Variants in SH3BP5 observed in about 807,000 individuals in gnomAD.
SH3BP5 encodes the protein SH3 domain binding protein 5, also known as SH3 domain-binding protein 5.
SH3BP5 carries 22 observed loss-of-function variants against 43.3 expected under a neutral mutation model. The observed-to-expected ratio is 0.51, with a 90% CI of 0.36 to 0.73. The LOEUF is 0.73. SH3BP5 is among the 30% of genes least tolerant of loss of function. The pLI, the probability that SH3BP5 is intolerant of heterozygous loss-of-function variation, is 0.00. For synonymous variants in SH3BP5, 255 were observed against 225.8 expected, an observed-to-expected ratio of 1.13 and a Z score of -1.16; for missense variants, 529 against 586.9, an observed-to-expected ratio of 0.90 and a Z score of 1.02.
chr3:15,286,900 G>T (rs964653109), intron 3 of SH3BP5, among the ~76,000 whole-genome samples: 5 of 152,138 alleles, frequency 3.3e-5, no homozygotes, highest in African/African-American at 4.8e-5. Flanking sequence ...TTTGCACCAC[G>T]CAACATGAAG....
chr3:15,296,279 A>G (rs113464078), intron 3 of SH3BP5, among the ~76,000 whole-genome samples: 1,606 of 148,282 alleles, frequency 0.011, 12 homozygotes, highest in Non-Finnish European at 0.015. Context: ...TTCTTTGCCA[A>G]TCCCCTGACC....
At chr3:15,298,671 A>T (rs1023404539) in intron 3 of SH3BP5, among the ~76,000 whole-genome samples, 24 of 152,242 alleles carry the variant, frequency 1.6e-4, no homozygotes, top group Admixed American at 7.9e-4. Context: ...TGAGGACATT[A>T]TGCTAAGTGA....
chr3:15,304,030 C>A, intron 3 of SH3BP5, 73 bp downstream of exon 3: 1 of 1,273,130 alleles, frequency 7.9e-7, no homozygotes, highest in Admixed American at 1.7e-5. Context: ...GCAGGTGATA[C>A]AGTCAAAGGC....
chr3:15,299,318 AAC>A (rs1234001199), intron 3 of SH3BP5, among the ~76,000 whole-genome samples: 1 of 152,156 alleles, frequency 6.6e-6, no homozygotes, highest in African/African-American at 2.4e-5. Context: ...TGGCACAGAA[AAC>A]ACACATCATG....
intron 2 of SH3BP5, among the ~76,000 whole-genome samples, chr3:15,314,555 A>C (rs1483225256): frequency 6.6e-6 from 1 of 152,176 alleles, no homozygotes; most frequent in Admixed American, 6.5e-5. Flanking sequence ...AGGAGGGTGT[A>C]GGAGCCAGGA....
intron 3 of SH3BP5, among the ~76,000 whole-genome samples, chr3:15,272,450 G>T (rs1037351111): frequency 6.6e-6 from 1 of 152,212 alleles, no homozygotes; most frequent in Non-Finnish European, 1.5e-5. Flanking sequence ...GGAGGATCCC[G>T]AACTCAGGAC....
At chr3:15,262,587 C>G (rs559156593) in intron 4 of SH3BP5, among the ~76,000 whole-genome samples, 2 of 152,052 alleles carry the variant, frequency 1.3e-5, no homozygotes, top group Non-Finnish European at 2.9e-5. Context: ...AACCCGGAGG[C>G]AGAGGTTGCA....
chr3:15,309,398 G>A (rs572992506), intron 2 of SH3BP5, among the ~76,000 whole-genome samples: 1 of 152,256 alleles, frequency 6.6e-6, no homozygotes, highest in Non-Finnish European at 1.5e-5. Flanking sequence ...AAGAGACAGA[G>A]TCTTGCTATG....
chr3:15,263,821 T>C (rs1696537936), intron 4 of SH3BP5, among the ~76,000 whole-genome samples: 1 of 152,302 alleles, frequency 6.6e-6, no homozygotes, highest in South Asian at 2.1e-4. Flanking sequence ...TTTCTTTCCC[T>C]GTCTTCTGCC....
intron 3 of SH3BP5, among the ~76,000 whole-genome samples, chr3:15,281,785 A>G (rs929858795): frequency 6.6e-6 from 1 of 152,130 alleles, no homozygotes; most frequent in Non-Finnish European, 1.5e-5. Flanking sequence ...GGTGGATTAC[A>G]TGAGATCAGG....
At chr3:15,325,759 C>T (rs1698443992) in intron 2 of SH3BP5, among the ~76,000 whole-genome samples, 3 of 152,236 alleles carry the variant, frequency 2.0e-5, no homozygotes, top group Non-Finnish European at 4.4e-5. Flanking sequence ...GTGGCTCACA[C>T]CTGTAATCCC....
At chr3:15,326,428 C>G (rs557163635) in intron 2 of SH3BP5, among the ~76,000 whole-genome samples, 10 of 152,208 alleles carry the variant, frequency 6.6e-5, no homozygotes, top group Non-Finnish European at 1.3e-4. Context: ...GTCACCAATT[C>G]AGGTTCATCA....
chr3:15,327,624 A>AC (rs1027748775), intron 2 of SH3BP5, among the ~76,000 whole-genome samples: 1 of 151,858 alleles, frequency 6.6e-6, no homozygotes, highest in Non-Finnish European at 1.5e-5. Context: ...AGTAATTATT[A>AC]CCCCCGCTCT....
chr3:15,306,648 G>A (rs1386384265), intron 2 of SH3BP5, among the ~76,000 whole-genome samples: 2 of 152,122 alleles, frequency 1.3e-5, no homozygotes, highest in Admixed American at 6.5e-5. Flanking sequence ...AGAGGGGCCT[G>A]CCTCACAAGT....
intron 3 of SH3BP5, among the ~76,000 whole-genome samples, chr3:15,278,310 C>G (rs2125076754): frequency 6.6e-6 from 1 of 152,316 alleles, no homozygotes; most frequent in South Asian, 2.1e-4. Context: ...GTCAATAACC[C>G]CTGGGGGGTC....
rs1203089284 is a variant in SH3BP5 at position 15,291,824 on chromosome 3, ATCAG to A, written c.330+12275_330+12278del. On this transcript the variant is annotated intron_variant, in intron 3 of 8. Transcript: ENST00000383791. ...CAGAGACCATAAATCTCTAAGTCTT[ATCAG>A]TCATTTACTTCTCAGCATGAATAAT... Among the ~76,000 whole-genome samples the A allele has an allele frequency of 2.0e-5, 3 of 152,354 alleles. No individual in the cohort carries two copies. In the East Asian group the frequency reaches 5.8e-4, roughly 29 times the overall value.
At position 15,330,836 on chromosome 3, in the gene SH3BP5, C is replaced by G. The variant is rs574724300; in HGVS notation, c.139-270G>C. 1.3e-5 allele frequency: 9 copies of G among 708,396 alleles called. No individual in the cohort carries two copies. The African/African-American group carries it at 1.7e-4, about 14-fold the overall frequency. 43.9% of individuals were successfully genotyped at this position (708,396 alleles called of 1,614,324 possible). A position where few individuals can be genotyped will look rare whatever the true frequency, so the allele number is the denominator to read the frequency against. On this transcript the variant is annotated intron_variant, in intron 1 of 8. Coordinates refer to ENST00000383791, the MANE Select transcript of SH3BP5 (RefSeq NM_004844.5). ...AGAGGTCAACTATTCCAGGTACATG[C>G]CTTCAGGTAAACCCCACCTGTTACA...
chr3:15,319,957 G>A (rs751924767), intron 2 of SH3BP5, among the ~76,000 whole-genome samples: 10 of 152,110 alleles, frequency 6.6e-5, no homozygotes, highest in African/African-American at 7.2e-5. Flanking sequence ...AAGCTATTAC[G>A]GCTTGGGATA....
Position 15,330,586 on chromosome 3 carries a change from G to GA in SH3BP5, c.139-21dup. 4 of 1,569,146 alleles carry GA rather than the reference G, an allele frequency of 2.5e-6. No homozygotes were observed. The highest frequency in any genetic ancestry group is 2.6e-6 in the Non-Finnish European group (3 of 1,157,864). ...TTCTCCCTGGTGAAGAAAAGAGGGA[G>GA]AAAAAAAGACTTAAGGGATCCGTCT... On this transcript the variant is annotated intron_variant, in intron 1 of 8. Transcript: ENST00000383791.
Sources: gnomAD v4.1 joint callset for allele counts (sites outside exome capture counted in the v4.1 genomes callset) on GRCh38, gnomAD v4.1.1 for gene constraint, MANE v1.5 for transcripts, NCBI Gene and HGNC (gene_info 2026-07-23, HGNC 2026-07-21) for gene names.